Variants in GABRG3 observed in about 807,000 individuals in gnomAD.
GABRG3 encodes gamma-aminobutyric acid type A receptor subunit gamma3, also known as gamma-aminobutyric acid receptor subunit gamma-3.
A neutral mutation model predicts 48.8 loss-of-function variants in GABRG3; 25 were observed. The ratio of observed to expected loss-of-function variants is 0.51; its 90% CI spans 0.37 to 0.72. The LOEUF is 0.72. Ranked by LOEUF, GABRG3 falls within the 30% of genes least tolerant of loss-of-function variation. The pLI is 0.00. For missense variants in GABRG3, 394 were observed against 577.9 expected, an observed-to-expected ratio of 0.68 and a Z score of 3.26; for synonymous variants, 227 against 217.6, an observed-to-expected ratio of 1.04 and a Z score of -0.38.
chr15:27,381,552 G>T (rs1404310343), intron 5 of GABRG3, among the ~76,000 whole-genome samples: 1 of 152,210 alleles, frequency 6.6e-6, no homozygotes, highest in Admixed American at 6.5e-5. Flanking sequence ...AGAGATTCCT[G>T]CTTGTGGGCT....
chr15:27,177,167 T>C lies in GABRG3; in HGVS notation c.271-149642T>C, dbSNP rs117244835. Among the ~76,000 whole-genome samples, 1,047 of 152,302 alleles carry C rather than the reference T, an allele frequency of 6.9e-3. 4 individuals are homozygous for C. Among genetic ancestry groups the C allele is most frequent in the Non-Finnish European group, 0.012 (796 of 68,022 alleles). On this transcript the variant is annotated intron_variant, in intron 3 of 9. Coordinates refer to ENST00000615808, the MANE Select transcript of GABRG3 (RefSeq NM_033223.5). ...CAGGAGTGGCAACACTGTCTTTGTG[T>C]GCTGAGTCAATTTCTTGGGCAGCAG...
intron 3 of GABRG3, among the ~76,000 whole-genome samples, chr15:27,308,360 T>A (rs975144962): frequency 1.1e-5 from 1 of 88,226 alleles, no homozygotes. Flanking sequence ...TACGTTTATA[T>A]ATAAACATAT....
intron 3 of GABRG3, among the ~76,000 whole-genome samples, chr15:27,136,043 G>T (rs1464547257): frequency 6.6e-6 from 1 of 152,200 alleles, no homozygotes; most frequent in Non-Finnish European, 1.5e-5. Context: ...GAGCTGTGAA[G>T]AGCTGACAGC....
intron 5 of GABRG3, among the ~76,000 whole-genome samples, chr15:27,467,673 T>C (rs932847763): frequency 1.2e-4 from 18 of 152,200 alleles, no homozygotes; most frequent in African/African-American, 4.3e-4. Flanking sequence ...GATAAAAGAG[T>C]GCAATGAAAC....
rs143659596 is a variant in GABRG3 at position 27,140,581 on chromosome 15, G to GT, written c.270+113767dup. ...AATATTCTGTTTATTAGTCCTTTAGGTTTTTTTAAATTTTATTTTACCTTC... is the reference window on the plus strand; with the variant it reads ...AATATTCTGTTTATTAGTCCTTTAGGTTTTTTTTAAATTTTATTTTACCTTC... On this transcript the variant is annotated intron_variant, in intron 3 of 9. Coordinates refer to ENST00000615808, the MANE Select transcript of GABRG3 (RefSeq NM_033223.5). 2.6e-5 allele frequency among the ~76,000 whole-genome samples: 4 copies of GT among 151,644 alleles called. No homozygotes were observed. The East Asian group carries it at 7.7e-4, about 29-fold the overall frequency.
At chr15:27,094,788 G>T (rs1378576838) in intron 3 of GABRG3, among the ~76,000 whole-genome samples, 1 of 152,006 alleles carries the variant, frequency 6.6e-6, no homozygotes, top group East Asian at 1.9e-4. Context: ...ATTACAAATA[G>T]ATATTTATTG....
At chr15:26,972,013 C>T (rs1261288709) in intron 1 of GABRG3, among the ~76,000 whole-genome samples, 1 of 151,918 alleles carries the variant, frequency 6.6e-6, no homozygotes, top group African/African-American at 2.4e-5. Flanking sequence ...ACCCGGGAAC[C>T]GTGGTTCTAA....
chr15:27,522,043 A>G (rs992030575), intron 7 of GABRG3, among the ~76,000 whole-genome samples: 8 of 151,988 alleles, frequency 5.3e-5, no homozygotes, highest in African/African-American at 1.9e-4. Flanking sequence ...AGATACAAGT[A>G]AGATAAATAC....
intron 3 of GABRG3, among the ~76,000 whole-genome samples, chr15:27,238,726 T>G (rs553279808): frequency 6.6e-6 from 1 of 152,328 alleles, no homozygotes; most frequent in South Asian, 2.1e-4. Context: ...GTTGGATATT[T>G]TCGAACTTTT....
At chr15:27,189,401 C>A (rs1287852329) in intron 3 of GABRG3, among the ~76,000 whole-genome samples, 1 of 152,178 alleles carries the variant, frequency 6.6e-6, no homozygotes, top group Non-Finnish European at 1.5e-5. Flanking sequence ...TCTTTTATTT[C>A]ATTGAGCAGT....
intron 3 of GABRG3, among the ~76,000 whole-genome samples, chr15:27,288,053 T>C (rs908402354): frequency 6.6e-6 from 1 of 152,180 alleles, no homozygotes; most frequent in Admixed American, 6.5e-5. Flanking sequence ...TTGTGTCTTA[T>C]ACACTGTTAG....
intron 9 of GABRG3, among the ~76,000 whole-genome samples, chr15:27,530,041 G>A (rs1266986910): frequency 6.6e-6 from 1 of 152,154 alleles, no homozygotes; most frequent in Non-Finnish European, 1.5e-5. Context: ...CAAAGAAAAA[G>A]GAAGTCTGTC....
At chr15:27,196,790 T>C (rs1467143003) in intron 3 of GABRG3, among the ~76,000 whole-genome samples, 1 of 152,218 alleles carries the variant, frequency 6.6e-6, no homozygotes, top group East Asian at 1.9e-4. Context: ...TCGTAGCTCT[T>C]CCTCCTGAAA....
At chr15:27,287,633 A>G (rs1156639624) in intron 3 of GABRG3, among the ~76,000 whole-genome samples, 1 of 151,850 alleles carries the variant, frequency 6.6e-6, no homozygotes, top group East Asian at 1.9e-4. Flanking sequence ...GTTTTTCTTG[A>G]GCTATTGAGG....
chr15:27,477,666 AG>A (rs1161642638), intron 5 of GABRG3, among the ~76,000 whole-genome samples: 2 of 152,164 alleles, frequency 1.3e-5, no homozygotes, highest in African/African-American at 4.8e-5. Context: ...TGTGTGGGGC[AG>A]GGGGTATACA....
chr15:27,502,840 G>C (rs1397622501), intron 6 of GABRG3, among the ~76,000 whole-genome samples: 1 of 152,224 alleles, frequency 6.6e-6, no homozygotes, highest in Non-Finnish European at 1.5e-5. Flanking sequence ...GGTCTGGAAG[G>C]GTCTCAGGGC....
Position 27,307,061 on chromosome 15 carries a change from ATG to A in GABRG3, c.271-19746_271-19745del, listed in dbSNP as rs1348562034. Among the ~76,000 whole-genome samples the A allele has an allele frequency of 4.6e-4, 55 of 120,092 alleles. 4 individuals carry two copies. The highest frequency in any genetic ancestry group is 6.8e-4 in the East Asian group (3 of 4,422). The allele number at this position is 120,092 out of a possible 152,430, so 78.8% of individuals were successfully genotyped here. A position where few individuals can be genotyped will look rare whatever the true frequency, so the allele number is the denominator to read the frequency against. On this transcript the variant is annotated intron_variant, in intron 3 of 9. Coordinates refer to ENST00000615808, the MANE Select transcript of GABRG3 (RefSeq NM_033223.5). ...AAAATAAACATGTTTATATATAAAC[ATG>A]TATAATATAAACATGTTTATATATA...
At chr15:27,059,065 A>G (rs1255640518) in intron 3 of GABRG3, among the ~76,000 whole-genome samples, 6 of 152,244 alleles carry the variant, frequency 3.9e-5, no homozygotes, top group Non-Finnish European at 5.9e-5. Flanking sequence ...AAATATGGAA[A>G]TTCTTCATAT....
chr15:27,047,074 T>A (rs1451647483), intron 3 of GABRG3, among the ~76,000 whole-genome samples: 1 of 152,224 alleles, frequency 6.6e-6, no homozygotes, highest in Non-Finnish European at 1.5e-5. Flanking sequence ...CAGCTAGTTG[T>A]TGCATAATTT....
Sources: allele counts gnomAD v4.1 joint callset (sites outside exome capture counted in the v4.1 genomes callset), GRCh38; gene constraint gnomAD v4.1.1; transcripts MANE v1.5; gene names NCBI Gene and HGNC (gene_info 2026-07-23, HGNC 2026-07-21).